The following RBFOX1 variants were observed in gnomAD, a reference collection of about 807,000 sequenced individuals.
RBFOX1 encodes RNA binding fox-1 homolog 1, also known as RNA binding protein fox-1 homolog 1.
In RBFOX1, 8 loss-of-function variants were observed where a neutral mutation model predicts 57.7. That is an observed-to-expected ratio of 0.14 (90% CI 0.08 to 0.25). The LOEUF is 0.25. RBFOX1 is among the 10% of genes least tolerant of loss of function. RBFOX1 has a pLI of 1.00. For synonymous variants in RBFOX1, 326 were observed against 222.4 expected (o/e 1.47, Z -4.15); for missense variants, 611 against 548.5 (o/e 1.11, Z -1.14).
At chr16:7,201,002 T>C (rs1057017716) in intron 4 of RBFOX1, among the ~76,000 whole-genome samples, 9 of 152,346 alleles carry the variant, frequency 5.9e-5, no homozygotes, top group Admixed American at 1.3e-4. Flanking sequence ...ATATTTTGTT[T>C]AAGCCACCAT....
At chr16:6,464,530 C>T (rs1054383317) in intron 2 of RBFOX1, among the ~76,000 whole-genome samples, 1 of 152,178 alleles carries the variant, frequency 6.6e-6, no homozygotes, top group African/African-American at 2.4e-5. Flanking sequence ...TATAAAATTG[C>T]TGTCTAGTTA....
At position 6,009,297 on chromosome 16, in the gene RBFOX1, G is replaced by A. The variant is rs532431997; in HGVS notation, c.351+141962G>A. 5.9e-5 allele frequency among the ~76,000 whole-genome samples: 9 copies of A among 152,190 alleles called. No individual in the cohort carries two copies. The South Asian group carries it at 8.3e-4, about 14-fold the overall frequency. ...CTTAAAACTGCCAACTCATTTTCAC[G>A]TGGTTGCACTTTGCTCTCACACCTG... On this transcript the variant is annotated intron_variant, in intron 4 of 19. Transcript: ENST00000641259.
At chr16:6,750,759 GC>G (rs1219378649) in intron 3 of RBFOX1, among the ~76,000 whole-genome samples, 2 of 152,176 alleles carry the variant, frequency 1.3e-5, no homozygotes, top group Non-Finnish European at 2.9e-5. Flanking sequence ...ACAGACCCTT[GC>G]CTTTGTGGAC....
intron 3 of RBFOX1, among the ~76,000 whole-genome samples, chr16:7,011,815 C>T (rs948750362): frequency 2.6e-5 from 4 of 152,136 alleles, no homozygotes; most frequent in African/African-American, 7.2e-5. Context: ...CACCGTGCCC[C>T]AAGTTGTTTT....
At chr16:7,505,894 A>G (rs2073102267) in intron 4 of RBFOX1, among the ~76,000 whole-genome samples, 1 of 152,148 alleles carries the variant, frequency 6.6e-6, no homozygotes, top group Non-Finnish European at 1.5e-5. Flanking sequence ...TGTTCAAGAG[A>G]TAATTTTCTG....
chr16:7,164,346 T>G (rs1388461988), intron 4 of RBFOX1, among the ~76,000 whole-genome samples: 1 of 152,212 alleles, frequency 6.6e-6, no homozygotes, highest in Non-Finnish European at 1.5e-5. Context: ...ATACCACATT[T>G]TCTTGATCCA....
chr16:7,400,396 T>C (rs1459636313), intron 4 of RBFOX1, among the ~76,000 whole-genome samples: 2 of 152,168 alleles, frequency 1.3e-5, no homozygotes, highest in African/African-American at 4.8e-5. Flanking sequence ...CTAGCAGACA[T>C]ATTCAGATCA....
chr16:7,519,468 C>T (rs908952136), intron 5 of RBFOX1, among the ~76,000 whole-genome samples: 4 of 152,122 alleles, frequency 2.6e-5, no homozygotes, highest in African/African-American at 4.8e-5. Context: ...GGATTAGAAA[C>T]AGGCATGTAA....
rs534695765 is a variant in RBFOX1, at chr16:5,491,289, C to T, written c.258+24035C>T. 3.9e-5 allele frequency among the ~76,000 whole-genome samples: 6 copies of T among 152,280 alleles called. No homozygotes were observed. In the East Asian group the frequency reaches 1.2e-3, roughly 29 times the overall value. On this transcript the variant is annotated intron_variant, in intron 2 of 2. Transcript: ENST00000585867. ...AATATTACCAGCCACCCCGAGCCAC[C>T]CACCTAGCGACTCGGCAGCCACCCT...
intron 2 of RBFOX1, among the ~76,000 whole-genome samples, chr16:6,600,064 A>G (rs560490006): frequency 2.0e-5 from 3 of 152,318 alleles, no homozygotes; most frequent in Non-Finnish European, 4.4e-5. Context: ...TGGAACATGT[A>G]GAGGAAGAGG....
chr16:7,055,656 G>T (rs1005525626), intron 4 of RBFOX1, among the ~76,000 whole-genome samples: 1 of 152,152 alleles, frequency 6.6e-6, no homozygotes, highest in African/African-American at 2.4e-5. Flanking sequence ...TCAATCACTG[G>T]CAAGGTGAAC....
chr16:6,063,165 C>T (rs1380498918), intron 1 of RBFOX1, among the ~76,000 whole-genome samples: 1 of 152,042 alleles, frequency 6.6e-6, no homozygotes, highest in East Asian at 1.9e-4. Context: ...CTGACCATCC[C>T]AGCATCCTTT....
intron 2 of RBFOX1, among the ~76,000 whole-genome samples, chr16:6,608,783 A>G (rs546220849): frequency 6.6e-6 from 1 of 152,334 alleles, no homozygotes; most frequent in African/African-American, 2.4e-5. Context: ...AAAACAAACA[A>G]AAACAGAAGT....
intron 1 of RBFOX1, among the ~76,000 whole-genome samples, chr16:5,332,097 C>T (rs768273346): frequency 2.0e-5 from 3 of 152,078 alleles, no homozygotes; most frequent in African/African-American, 7.2e-5. Context: ...TCTTGTTTTC[C>T]TTCTTATGTC....
At chr16:6,922,954 A>G (rs777152939) in intron 3 of RBFOX1, among the ~76,000 whole-genome samples, 1 of 152,192 alleles carries the variant, frequency 6.6e-6, no homozygotes, top group East Asian at 1.9e-4. Context: ...ACCAGAACAT[A>G]TCCAAATCAG....
chr16:7,706,207 G>C (rs1225273370), intron 14 of RBFOX1, among the ~76,000 whole-genome samples: 1 of 152,138 alleles, frequency 6.6e-6, no homozygotes, highest in East Asian at 1.9e-4. Flanking sequence ...CATTTGAAAA[G>C]AAGCCTCCTT....
chr16:6,999,199 ATTTTTTAT>A (rs1568299507), intron 3 of RBFOX1, among the ~76,000 whole-genome samples: 1 of 100,880 alleles, frequency 9.9e-6, no homozygotes, highest in Non-Finnish European at 2.0e-5. Flanking sequence ...ATTTTATTTT[ATTTTTTAT>A]TTTTATTTAT....
At chr16:7,664,098 G>A (rs1333410068) in intron 12 of RBFOX1, among the ~76,000 whole-genome samples, 3 of 152,172 alleles carry the variant, frequency 2.0e-5, no homozygotes, top group Non-Finnish European at 4.4e-5. Flanking sequence ...ACGTGAACAT[G>A]CAGATATTCA....
intron 3 of RBFOX1, among the ~76,000 whole-genome samples, chr16:6,782,000 C>T (rs911126658): frequency 1.1e-4 from 17 of 152,006 alleles, no homozygotes; most frequent in Admixed American, 5.2e-4. Flanking sequence ...TTTTTTGTTG[C>T]TGCTGTTGTT....
Sources: gnomAD v4.1 joint callset for allele counts (sites outside exome capture counted in the v4.1 genomes callset) on GRCh38, gnomAD v4.1.1 for gene constraint, MANE v1.5 for transcripts, NCBI Gene and HGNC (gene_info 2026-07-23, HGNC 2026-07-21) for gene names.